Variants in FARS2 observed in about 807,000 individuals in gnomAD.
The protein encoded by FARS2 is phenylalanine--tRNA ligase, mitochondrial.
FARS2 carries 40 observed loss-of-function variants against 46.4 expected under a neutral mutation model. The observed-to-expected ratio is 0.86, with a 90% CI of 0.67 to 1.12. The LOEUF (loss-of-function observed/expected upper bound fraction) is 1.12, where lower values mean the gene tolerates loss of function less well. Among genes scored for constraint, FARS2 ranks in the 50% most tolerant of loss-of-function variants. The pLI is 0.00. For synonymous variants in FARS2, 234 were observed against 214.9 expected (o/e 1.09, Z -0.78); for missense variants, 513 against 567.9 (o/e 0.90, Z 0.98).
chr6:5,369,080 C>T lies in FARS2; in HGVS notation c.510C>T (p.Ala170=), dbSNP rs778236933. 3.1e-6 allele frequency: 5 copies of T among 1,613,916 alleles called. No homozygotes were observed. In the African/African-American group the frequency reaches 5.3e-5, roughly 17 times the overall value. The part of the protein sequence containing the change: ...QWDLLHAGLD[A]FLVVGDVYRR... ...ACTTGCTGCACGCGGGACTGGATGCCTTCCTGGTGGTGGGTGATGTCTACA... is the reference window on the plus strand; with the variant it reads ...ACTTGCTGCACGCGGGACTGGATGCTTTCCTGGTGGTGGGTGATGTCTACA... The change falls in exon 2 of 7, where the codon GCC becomes GCT. Residue 170 remains alanine (A), a synonymous_variant. Coordinates refer to ENST00000274680, the MANE Select transcript of FARS2 (RefSeq NM_006567.5).
At chr6:5,691,124 A>G (rs899693407) in intron 6 of FARS2, among the ~76,000 whole-genome samples, 2 of 152,102 alleles carry the variant, frequency 1.3e-5, no homozygotes, top group African/African-American at 2.4e-5. Context: ...CTTATTTGCA[A>G]TGGGTTCAAA....
At chr6:5,273,134 A>G (rs1018345213) in intron 1 of FARS2, among the ~76,000 whole-genome samples, 12 of 152,216 alleles carry the variant, frequency 7.9e-5, no homozygotes, top group African/African-American at 2.9e-4. Flanking sequence ...GCTGATTACA[A>G]TGCACATATC....
intron 6 of FARS2, among the ~76,000 whole-genome samples, chr6:5,723,411 C>G (rs906591963): frequency 6.6e-6 from 1 of 152,044 alleles, no homozygotes; most frequent in Admixed American, 6.5e-5. Flanking sequence ...TTGTGTGCAC[C>G]CTTGGACACG....
intron 6 of FARS2, among the ~76,000 whole-genome samples, chr6:5,664,593 T>C (rs899370530): frequency 8.5e-5 from 13 of 152,208 alleles, no homozygotes; most frequent in African/African-American, 1.9e-4. Flanking sequence ...AAGCACAAAA[T>C]ATCCTATAAT....
intron 2 of FARS2, among the ~76,000 whole-genome samples, chr6:5,402,916 C>T (rs986388012): frequency 6.6e-6 from 1 of 152,108 alleles, no homozygotes; most frequent in Admixed American, 6.5e-5. Flanking sequence ...CACTCATTCT[C>T]CTCTCTTTCT....
intron 1 of FARS2, among the ~76,000 whole-genome samples, chr6:5,295,277 G>A (rs987549742): frequency 1.3e-5 from 2 of 152,194 alleles, no homozygotes; most frequent in African/African-American, 2.4e-5. Context: ...GAAATGAAAG[G>A]AGGTGAAAAC....
intron 2 of FARS2, among the ~76,000 whole-genome samples, chr6:5,397,043 C>T (rs919525956): frequency 1.3e-5 from 2 of 152,116 alleles, no homozygotes; most frequent in Non-Finnish European, 2.9e-5. Flanking sequence ...TATAAAATAA[C>T]TGTATGAAAT....
chr6:5,345,264 G>A (rs563003146), intron 1 of FARS2, among the ~76,000 whole-genome samples: 2 of 152,206 alleles, frequency 1.3e-5, no homozygotes, highest in East Asian at 3.9e-4. Flanking sequence ...ATGTTTTGCT[G>A]GAGGTGTTAG....
At chr6:5,377,172 A>C (rs895102776) in intron 2 of FARS2, among the ~76,000 whole-genome samples, 5 of 152,198 alleles carry the variant, frequency 3.3e-5, no homozygotes, top group African/African-American at 9.7e-5. Flanking sequence ...GTGTCTATTT[A>C]ATCTGATTAA....
intron 4 of FARS2, among the ~76,000 whole-genome samples, chr6:5,514,141 G>C (rs1218676466): frequency 1.3e-5 from 2 of 151,810 alleles, no homozygotes; most frequent in Non-Finnish European, 2.9e-5. Context: ...TGCCAGATGT[G>C]TTGTAGTTTA....
At chr6:5,479,923 GAGA>G (rs1324748447) in intron 4 of FARS2, among the ~76,000 whole-genome samples, 1 of 149,040 alleles carries the variant, frequency 6.7e-6, no homozygotes, top group African/African-American at 2.6e-5. Flanking sequence ...TCAGGAGAAG[GAGA>G]AGGGCAGGAC....
intron 1 of FARS2, among the ~76,000 whole-genome samples, chr6:5,301,055 G>C (rs150901140): frequency 6.6e-6 from 1 of 151,748 alleles, no homozygotes; most frequent in East Asian, 1.9e-4. Context: ...AATGAAGGCT[G>C]TGCTTACTGG....
chr6:5,641,848 A>G (rs947023626), intron 6 of FARS2, among the ~76,000 whole-genome samples: 1 of 152,246 alleles, frequency 6.6e-6, no homozygotes, highest in Non-Finnish European at 1.5e-5. Flanking sequence ...ACTTCTTTAG[A>G]AAAGCTTTCA....
intron 1 of FARS2, among the ~76,000 whole-genome samples, chr6:5,351,478 A>G (rs891826309): frequency 1.3e-5 from 2 of 152,214 alleles, no homozygotes; most frequent in African/African-American, 4.8e-5. Flanking sequence ...TTTGTGATAT[A>G]TTTCTTGTAA....
chr6:5,627,372 A>C (rs1776087494), intron 6 of FARS2, among the ~76,000 whole-genome samples: 1 of 152,252 alleles, frequency 6.6e-6, no homozygotes, highest in Admixed American at 6.5e-5. Context: ...AGAAAGAGGA[A>C]ACTAGTAGTG....
At chr6:5,356,122 T>C (rs1268068106) in intron 1 of FARS2, among the ~76,000 whole-genome samples, 1 of 152,212 alleles carries the variant, frequency 6.6e-6, no homozygotes, top group African/African-American at 2.4e-5. Context: ...TTCACGCCTT[T>C]CTGTGCTGTT....
rs574120488 is a variant in FARS2, at chr6:5,754,346, C to T, written c.1218-16945C>T. ...CTGGGAAGCCTGAGACTGATTGTAACGGCCAGGACAGGAGATCAGCTCTCC... is the reference window on the plus strand; with the variant it reads ...CTGGGAAGCCTGAGACTGATTGTAATGGCCAGGACAGGAGATCAGCTCTCC... On this transcript the variant is annotated intron_variant, in intron 6 of 6. Transcript: ENST00000274680. 2.6e-5 allele frequency among the ~76,000 whole-genome samples: 4 copies of T among 152,302 alleles called. No homozygotes were observed. In the East Asian group the frequency reaches 5.8e-4, roughly 22 times the overall value.
At chr6:5,673,376 T>C (rs1778581242) in intron 6 of FARS2, among the ~76,000 whole-genome samples, 1 of 152,204 alleles carries the variant, frequency 6.6e-6, no homozygotes, top group Non-Finnish European at 1.5e-5. Context: ...CGGGAAAACA[T>C]TCCTTCATTC....
chr6:5,723,819 TC>T (rs1421251778), intron 6 of FARS2, among the ~76,000 whole-genome samples: 2 of 152,362 alleles, frequency 1.3e-5, no homozygotes, highest in Non-Finnish European at 2.9e-5. Flanking sequence ...CTCCTTGCTT[TC>T]TTCCTGAAAA....
Sources: gnomAD v4.1 joint callset for allele counts (sites outside exome capture counted in the v4.1 genomes callset) on GRCh38, gnomAD v4.1.1 for gene constraint, MANE v1.5 for transcripts, NCBI Gene and HGNC (gene_info 2026-07-23, HGNC 2026-07-21) for gene names.